TMEM276: variants seen among roughly 807,000 people sequenced by gnomAD.
The protein encoded by TMEM276 is transmembrane protein 276.
chr8:144,466,856 G>A, the TMEM276 span: 2 of 1,536,576 alleles, frequency 1.3e-6, no homozygotes. Context: ...CGGGCTGGGA[G>A]TCCCGCGGTG....
the TMEM276 span, chr8:144,465,067 T>C: frequency 6.5e-7 from 1 of 1,530,164 alleles, no homozygotes; most frequent in South Asian, 1.2e-5. Flanking sequence ...AGTCCTAGAC[T>C]TTCCGGATCC....
At chr8:144,464,327 T>TG in the TMEM276 span, 1 of 1,612,444 alleles carries the variant, frequency 6.2e-7, no homozygotes, top group South Asian at 1.1e-5. Context: ...ACAATGAGGA[T>TG]GGTCACTGCG....
the TMEM276 span, chr8:144,464,275 GC>G: frequency 6.5e-5 from 104 of 1,606,580 alleles, no homozygotes; most frequent in East Asian, 7.4e-4. Flanking sequence ...ACCCAGCATC[GC>G]CCCCCCCCAC....
At chr8:144,464,198 G>T in the TMEM276 span, 3 of 1,613,126 alleles carry the variant, frequency 1.9e-6, no homozygotes, top group South Asian at 2.2e-5. Flanking sequence ...AAGGCCCAGC[G>T]ACAGACATCC....
chr8:144,465,392 C>G, the TMEM276 span: 6 of 1,025,088 alleles, frequency 5.9e-6, no homozygotes, highest in Non-Finnish European at 5.9e-6. Flanking sequence ...GCGGGAGGCC[C>G]GAGCCTGCGC....
chr8:144,465,283 T>C, the TMEM276 span: 1 of 1,119,152 alleles, frequency 8.9e-7, no homozygotes, highest in Non-Finnish European at 1.1e-6. Context: ...CCGGGAGGCG[T>C]TGTCCTGGGA....
At chr8:144,464,635 A>T in the TMEM276 span, 1 of 1,589,472 alleles carries the variant, frequency 6.3e-7, no homozygotes, top group Non-Finnish European at 8.6e-7. Flanking sequence ...GGAAGGGAGA[A>T]CACGTGGGAA....
the TMEM276 span, chr8:144,465,132 G>C: frequency 1.4e-6 from 2 of 1,461,156 alleles, no homozygotes; most frequent in South Asian, 2.6e-5. Flanking sequence ...GCCGGGAAAC[G>C]GGGGAAAACG....
chr8:144,466,592 G>T, the TMEM276 span: 1 of 938,700 alleles, frequency 1.1e-6, no homozygotes, highest in Non-Finnish European at 1.4e-6. Context: ...TCCCGGGGCG[G>T]GGGCGGGCAC....
At chr8:144,466,635 C>T in the TMEM276 span, 1 of 948,716 alleles carries the variant, frequency 1.1e-6, no homozygotes, top group Non-Finnish European at 1.4e-6. Context: ...TGCCGAGGAC[C>T]CTCGGCTCGG....
the TMEM276 span, chr8:144,464,179 C>T: frequency 6.2e-7 from 1 of 1,613,090 alleles, no homozygotes; most frequent in Non-Finnish European, 8.5e-7. Context: ...AGCCCAGCTG[C>T]CTACAGCCAA....
chr8:144,464,427 G>A, the TMEM276 span: 1 of 1,612,276 alleles, frequency 6.2e-7, no homozygotes, highest in South Asian at 1.1e-5. Context: ...CTCCTCCCAG[G>A]AGCAGGTTGG....
chr8:144,463,971 G>A, the TMEM276 span: 2 of 1,504,028 alleles, frequency 1.3e-6, no homozygotes, highest in South Asian at 1.4e-5. Context: ...CGTGGCCAAA[G>A]GACAGCACCC....
chr8:144,466,911 T>C, the TMEM276 span: 3 of 1,565,826 alleles, frequency 1.9e-6, no homozygotes, highest in Admixed American at 1.8e-5. Flanking sequence ...GAGGCCTGGC[T>C]CAAGCACGTG....
the TMEM276 span, chr8:144,465,161 G>A: frequency 7.2e-7 from 1 of 1,383,400 alleles, no homozygotes; most frequent in Non-Finnish European, 9.5e-7. Flanking sequence ...TCTAAGCTGG[G>A]GGGAACGTCA....
At chr8:144,465,015 C>T in the TMEM276 span, 2 of 1,537,362 alleles carry the variant, frequency 1.3e-6, no homozygotes, top group South Asian at 1.2e-5. Flanking sequence ...CTCTAGTAAG[C>T]CCAGGTTCCA....
the TMEM276 span, chr8:144,464,069 G>A: frequency 7.0e-6 from 11 of 1,560,816 alleles, no homozygotes; most frequent in East Asian, 4.5e-5. Context: ...CCAGGAGCAG[G>A]CAGGTGGGAG....
At chr8:144,466,933 C>G in the TMEM276 span, 5 of 1,581,422 alleles carry the variant, frequency 3.2e-6, no homozygotes, top group Non-Finnish European at 3.4e-6. Flanking sequence ...CCCGAAATGT[C>G]TCCCGCCCTC....
chr8:144,466,934 T>C, the TMEM276 span: 1 of 1,581,622 alleles, frequency 6.3e-7, no homozygotes, highest in South Asian at 1.1e-5. Flanking sequence ...CCGAAATGTC[T>C]CCCGCCCTCC....
Sources: allele counts gnomAD v4.1 joint callset, GRCh38; gene constraint gnomAD v4.1.1; transcripts MANE v1.5; gene names NCBI Gene and HGNC (gene_info 2026-07-23, HGNC 2026-07-21).